The following CCDC167 variants were observed in gnomAD, a reference collection of about 807,000 sequenced individuals.
The protein encoded by CCDC167 is coiled-coil domain-containing protein 167.
CCDC167 carries 15 observed loss-of-function variants against 12.7 expected under a neutral mutation model. That is an observed-to-expected ratio of 1.18 (90% CI 0.79 to 1.81). The LOEUF (loss-of-function observed/expected upper bound fraction) is 1.81. CCDC167 is among the 40% of genes most tolerant of loss of function. The pLI is 0.00. For synonymous variants in CCDC167, 52 were observed against 49.0 expected (o/e 1.06, Z -0.26); for missense variants, 121 against 120.1 (o/e 1.01, Z -0.03).
At chr6:37,493,449 CCA>C (rs1232276516) in intron 1 of CCDC167, among the ~76,000 whole-genome samples, 1 of 152,258 alleles carries the variant, frequency 6.6e-6, no homozygotes, top group Non-Finnish European at 1.5e-5. Context: ...TGGCAGACAG[CCA>C]CTCCACACAC....
intron 1 of CCDC167, among the ~76,000 whole-genome samples, chr6:37,495,816 G>T (rs1015306289): frequency 2.6e-5 from 4 of 152,116 alleles, no homozygotes; most frequent in African/African-American, 7.2e-5. Flanking sequence ...AAACATTTTT[G>T]ATTAAATCAC....
intron 1 of CCDC167, among the ~76,000 whole-genome samples, chr6:37,492,872 A>T (rs1762040777): frequency 6.6e-6 from 1 of 152,158 alleles, no homozygotes; most frequent in South Asian, 2.1e-4. Flanking sequence ...CGGGGTTCTT[A>T]GGCCTCAATT....
At position 37,485,138 on chromosome 6, in the gene CCDC167, G is replaced by C. The variant is rs767870013; in HGVS notation, c.99C>G (p.Asn33Lys). 6.2e-7 allele frequency: 1 copy of C among 1,613,604 alleles called. No individual in the cohort carries two copies. Among genetic ancestry groups the C allele is most frequent in the South Asian group, 1.1e-5 (1 of 91,080 alleles). The change falls in exon 2 of 4, where the codon AAC (asparagine) becomes AAG (lysine). Residue 33 changes from asparagine (N) to lysine (K), a missense_variant. Asn to Lys is a moderately conservative substitution (Grantham distance 94). Transcript: ENST00000373408. ...TCAGCTCCCGGCTGTGGAGTCTGGA[G>C]TTCACGGCCTCCAGGTCTCTCCGAC... ...SQCRRDLEAV[N>K]SRLHSRELSP...
At chr6:37,490,494 T>C (rs1411968872) in intron 1 of CCDC167, among the ~76,000 whole-genome samples, 1 of 152,170 alleles carries the variant, frequency 6.6e-6, no homozygotes, top group Non-Finnish European at 1.5e-5. Flanking sequence ...AAGTCCGTTC[T>C]TTTAACAGAA....
At chr6:37,487,866 T>G (rs4714068) in intron 1 of CCDC167, among the ~76,000 whole-genome samples, 61,029 of 152,206 alleles carry the variant, frequency 0.4, 15,145 homozygotes, top group Middle Eastern at 0.6. Context: ...TTGCCACTTT[T>G]TAATGAGGCT....
chr6:37,484,603 G>A (rs541662546), intron 3 of CCDC167, among the ~76,000 whole-genome samples: 4 of 152,204 alleles, frequency 2.6e-5, no homozygotes, highest in South Asian at 2.1e-4. Context: ...ACCCACAGGC[G>A]GTCTCATCCT....
intron 1 of CCDC167, among the ~76,000 whole-genome samples, chr6:37,491,654 CAGCATG>C (rs1393851959): frequency 1.3e-5 from 2 of 152,180 alleles, no homozygotes; most frequent in African/African-American, 4.8e-5. Context: ...GTCTGCATGA[CAGCATG>C]AGTGTAAGCA....
chr6:37,485,578 A>G (rs775130488), intron 1 of CCDC167, among the ~76,000 whole-genome samples: 34 of 152,222 alleles, frequency 2.2e-4, no homozygotes, highest in Non-Finnish European at 4.1e-4. Context: ...AACCCTGAAC[A>G]CGGCATGCAC....
chr6:37,483,393 A>C lies in CCDC167; in HGVS notation c.191-104T>G, dbSNP rs969598891. ...TACACACTGCTGAGGGCAAAGACGC[A>C]CCCTTCCAGCCACCTCCTTACCCAT... is the stretch of plus-strand genomic sequence containing the variant. On this transcript the variant is annotated intron_variant, in intron 3 of 3. Coordinates refer to ENST00000373408, the MANE Select transcript of CCDC167 (RefSeq NM_138493.3). 6.8e-6 allele frequency: 5 copies of C among 739,632 alleles called. No homozygotes were observed. In the African/African-American group the frequency reaches 6.9e-5, roughly 10 times the overall value. The allele number at this position is 739,632 out of a possible 1,614,324, so 45.8% of individuals were successfully genotyped here.
In CCDC167 at chr6:37,499,813, T is replaced by G. The variant is rs115486046; in HGVS notation, c.42+9A>C. 13 of 1,613,846 alleles carry G rather than the reference T, an allele frequency of 8.1e-6. No individual in the cohort carries two copies. Among genetic ancestry groups the G allele is most frequent in the Non-Finnish European group, 1.1e-5 (13 of 1,179,906 alleles). ...AACGAGGTGGCCCAACCCCCACTTTTCCCCTCACCTCTAGAGCGACGCCCA... is the reference window on the plus strand; with the variant it reads ...AACGAGGTGGCCCAACCCCCACTTTGCCCCTCACCTCTAGAGCGACGCCCA... On this transcript the variant is annotated intron_variant, in intron 1 of 3. Transcript: ENST00000373408.
intron 1 of CCDC167, among the ~76,000 whole-genome samples, chr6:37,492,817 C>A (rs932589699): frequency 2.0e-5 from 3 of 152,202 alleles, no homozygotes; most frequent in Admixed American, 1.3e-4. Context: ...GGCAAGAGTG[C>A]AGGGGCTTTC....
At chr6:37,492,664 A>C (rs1172711723) in intron 1 of CCDC167, among the ~76,000 whole-genome samples, 1 of 152,206 alleles carries the variant, frequency 6.6e-6, no homozygotes, top group Non-Finnish European at 1.5e-5. Context: ...CACAGCCTGG[A>C]GAGTGGTGTC....
chr6:37,483,974 C>T (rs1251807130), intron 3 of CCDC167, among the ~76,000 whole-genome samples: 1 of 152,160 alleles, frequency 6.6e-6, no homozygotes, highest in Non-Finnish European at 1.5e-5. Flanking sequence ...GTGAAAACCG[C>T]TAAACTTGAA....
At chr6:37,484,965 A>T (rs985955448) in intron 2 of CCDC167, 103 bp from the exon 3 acceptor site, 9 of 1,489,224 alleles carry the variant, frequency 6.0e-6, no homozygotes, top group Non-Finnish European at 7.4e-6. Flanking sequence ...GTTCGGCGGC[A>T]GGGGGGGTGT....
At chr6:37,497,694 A>G (rs1762116093) in intron 1 of CCDC167, among the ~76,000 whole-genome samples, 1 of 152,096 alleles carries the variant, frequency 6.6e-6, no homozygotes, top group African/African-American at 2.4e-5. Flanking sequence ...GTCTTTACCA[A>G]AAATACAAAA....
At chr6:37,493,164 CGAGGGAA>C (rs1762045446) in intron 1 of CCDC167, among the ~76,000 whole-genome samples, 3 of 152,174 alleles carry the variant, frequency 2.0e-5, no homozygotes. Flanking sequence ...GTCAGAAAGG[CGAGGGAA>C]CCGCTGCAGC....
intron 3 of CCDC167, among the ~76,000 whole-genome samples, 198 bp downstream of exon 3, chr6:37,484,612 C>T (rs936110290): frequency 1.3e-5 from 2 of 152,238 alleles, no homozygotes; most frequent in African/African-American, 4.8e-5. Flanking sequence ...CGGTCTCATC[C>T]TCCCTTAGAA....
chr6:37,491,411 G>A (rs1762020373), intron 1 of CCDC167, among the ~76,000 whole-genome samples: 1 of 152,202 alleles, frequency 6.6e-6, no homozygotes, highest in Non-Finnish European at 1.5e-5. Flanking sequence ...GGGGCCTGGT[G>A]CTGGGCTACA....
At chr6:37,494,361 C>T (rs1468387097) in intron 1 of CCDC167, among the ~76,000 whole-genome samples, 2 of 152,214 alleles carry the variant, frequency 1.3e-5, no homozygotes, top group Admixed American at 1.3e-4. Context: ...CCGCACCCAG[C>T]CGATCCTGCC....
Sources: allele counts gnomAD v4.1 joint callset (sites outside exome capture counted in the v4.1 genomes callset), GRCh38; gene constraint gnomAD v4.1.1; transcripts MANE v1.5; gene names NCBI Gene and HGNC (gene_info 2026-07-23, HGNC 2026-07-21).